Variants in FOCAD observed in about 807,000 individuals in gnomAD.
FOCAD encodes the protein focadhesin, also known as KIAA1797.
A neutral mutation model predicts 225.6 loss-of-function variants in FOCAD; 198 were observed. That is an observed-to-expected ratio of 0.88 (90% confidence interval 0.78 to 0.99). The LOEUF (loss-of-function observed/expected upper bound fraction) is 0.99. Ranked by LOEUF, FOCAD falls within the 50% of genes least tolerant of loss-of-function variation. The pLI is 0.00. For missense variants in FOCAD, 2,713 were observed against 2,123.6 expected, an observed-to-expected ratio of 1.28 and a Z score of -5.46; for synonymous variants, 897 against 755.0, an observed-to-expected ratio of 1.19 and a Z score of -3.08.
At chr9:20,699,494 C>G (rs1428763293) in intron 1 of FOCAD, among the ~76,000 whole-genome samples, 2 of 151,542 alleles carry the variant, frequency 1.3e-5, no homozygotes, top group Non-Finnish European at 2.9e-5. Context: ...GTAATCCCAG[C>G]ACTTTGGGAG....
intron 15 of FOCAD, among the ~76,000 whole-genome samples, chr9:20,856,763 T>C (rs750025762): frequency 6.6e-6 from 1 of 152,102 alleles, no homozygotes; most frequent in African/African-American, 2.4e-5. Context: ...GATTTGATTT[T>C]TATGTATGGT....
rs755387815 is a variant in FOCAD, at chr9:20,929,570, C to G, written c.3291C>G (p.Leu1097=). 4.3e-6 allele frequency: 7 copies of G among 1,613,920 alleles called. No individual in the cohort carries two copies. The highest frequency in any genetic ancestry group is 2.2e-5 in the East Asian group (1 of 44,896). The change falls in exon 27 of 44, where the codon CTC becomes CTG. Residue 1097 remains leucine (L), a synonymous_variant. Coordinates refer to ENST00000338382, the MANE Select transcript of FOCAD (RefSeq NM_001375567.1). ...TGGGCCTTGCTTTAGGGATGTTTCTCTCTCGCTTGTGTGAAGAGAAACTCA... is the reference window on the plus strand; with the variant it reads ...TGGGCCTTGCTTTAGGGATGTTTCTGTCTCGCTTGTGTGAAGAGAAACTCA... ...IHMGLALGMF[L]SRLCEEKLSD...
At chr9:20,790,728 G>C (rs181391591) in intron 11 of FOCAD, among the ~76,000 whole-genome samples, 1 of 152,074 alleles carries the variant, frequency 6.6e-6, no homozygotes, top group Non-Finnish European at 1.5e-5. Flanking sequence ...CCGAGATTGC[G>C]CCACTGCACT....
intron 10 of FOCAD, chr9:20,786,905 C>A: frequency 3.0e-6 from 1 of 337,732 alleles, no homozygotes; most frequent in Non-Finnish European, 5.9e-6. Context: ...ACACCTACTT[C>A]CTCCTCTAAA....
intron 14 of FOCAD, 103 bp downstream of exon 14, chr9:20,821,174 A>G (rs900587384): frequency 7.9e-6 from 8 of 1,007,452 alleles, no homozygotes; most frequent in African/African-American, 3.3e-5. Context: ...CAGAGGATAT[A>G]TAAGTACTAA....
rs529086080 is a variant in FOCAD, at chr9:20,806,446, G to A, written c.1456-13350G>A. 1.1e-4 allele frequency among the ~76,000 whole-genome samples: 17 copies of A among 152,056 alleles called. No individual in the cohort carries two copies. In the East Asian group the frequency reaches 1.9e-3, roughly 17 times the overall value. ...GAACTAATTTTGTAGGCGGCTTGTC[G>A]AAAATTCCTCCCTTCCCCCTCAAAA... On this transcript the variant is annotated intron_variant, in intron 11 of 43. Coordinates refer to ENST00000338382, the MANE Select transcript of FOCAD (RefSeq NM_001375567.1).
chr9:20,729,027 T>C (rs893615228), intron 4 of FOCAD, among the ~76,000 whole-genome samples: 5 of 152,188 alleles, frequency 3.3e-5, no homozygotes, highest in African/African-American at 1.2e-4. Context: ...CAGACTGAGA[T>C]TGGAATTTCC....
chr9:20,782,645 T>C lies in FOCAD; in HGVS notation c.1197+716T>C, dbSNP rs145845324. ...GCCTTTATCAAAATGAAACATTATT[T>C]CCCAGCTCCTCTTATGGGGATGAAA... On this transcript the variant is annotated intron_variant, in intron 10 of 43. Transcript: ENST00000338382. Among the ~76,000 whole-genome samples, 4 of 152,354 alleles carry C rather than the reference T, an allele frequency of 2.6e-5. No individual in the cohort carries two copies. The East Asian group carries it at 7.7e-4, about 29-fold the overall frequency.
intron 4 of FOCAD, among the ~76,000 whole-genome samples, chr9:20,731,226 A>G (rs532443117): frequency 1.4e-4 from 21 of 149,634 alleles, no homozygotes; most frequent in African/African-American, 5.2e-4. Flanking sequence ...TGACACAGCG[A>G]GACTTTGTCT....
rs1368653882 is a variant in FOCAD, at chr9:20,871,843, G to A, written c.2191-2838G>A. Among the ~76,000 whole-genome samples the A allele has an allele frequency of 4.7e-5, 7 of 148,926 alleles. No individual in the cohort carries two copies. The East Asian group carries it at 9.9e-4, about 21-fold the overall frequency. ...TTAATGGGTGCAGCACACCAGCATGGCACATGTATACATATGTAACTAACC... is the reference window on the plus strand; with the variant it reads ...TTAATGGGTGCAGCACACCAGCATGACACATGTATACATATGTAACTAACC... On this transcript the variant is annotated intron_variant, in intron 18 of 43. Transcript: ENST00000338382.
intron 21 of FOCAD, among the ~76,000 whole-genome samples, chr9:20,892,009 T>C (rs1831657429): frequency 6.6e-6 from 1 of 152,192 alleles, no homozygotes; most frequent in South Asian, 2.1e-4. Flanking sequence ...CTCTAAAGAA[T>C]TACGCTGAAT....
intron 1 of FOCAD, chr9:20,694,417 G>A (rs891058000): frequency 9.2e-5 from 14 of 152,160 alleles, no homozygotes; most frequent in African/African-American, 3.1e-4. Flanking sequence ...TATAAGGAGT[G>A]TAATATTGAA....
At chr9:20,777,073 T>A (rs1818831514) in intron 8 of FOCAD, among the ~76,000 whole-genome samples, 2 of 152,168 alleles carry the variant, frequency 1.3e-5, no homozygotes, top group Non-Finnish European at 2.9e-5. Flanking sequence ...ATTCACGAAT[T>A]TTTTTCTTTT....
chr9:20,812,907 T>G lies in FOCAD; in HGVS notation c.1456-6889T>G, dbSNP rs542289468. Among the ~76,000 whole-genome samples, 48 of 152,238 alleles carry G rather than the reference T, an allele frequency of 3.2e-4. No homozygotes were observed. In the South Asian group the frequency reaches 3.5e-3, roughly 11 times the overall value. ...TAACATGAAATCTACCTTAAAAAATTCTAATTGTACTGTACAGTATTGTTA... is the reference window on the plus strand; with the variant it reads ...TAACATGAAATCTACCTTAAAAAATGCTAATTGTACTGTACAGTATTGTTA... On this transcript the variant is annotated intron_variant, in intron 11 of 43. Coordinates refer to ENST00000338382, the MANE Select transcript of FOCAD (RefSeq NM_001375567.1).
chr9:20,930,410 G>A (rs1399327181), intron 27 of FOCAD, among the ~76,000 whole-genome samples: 1 of 152,114 alleles, frequency 6.6e-6, no homozygotes, highest in Admixed American at 6.5e-5. Flanking sequence ...TCAATGACTA[G>A]GCATTTAGCC....
At chr9:20,993,181 C>G (rs1433910708) in intron 42 of FOCAD, 72 bp from the exon 43 acceptor site, 1 of 1,280,310 alleles carries the variant, frequency 7.8e-7, no homozygotes. Context: ...ATATATAGGT[C>G]CAAGGGAATA....
chr9:20,752,619 T>G (rs1330792496), intron 5 of FOCAD, among the ~76,000 whole-genome samples: 1 of 152,054 alleles, frequency 6.6e-6, no homozygotes, highest in Non-Finnish European at 1.5e-5. Flanking sequence ...TTCTTTTGGC[T>G]TAGGATTGAC....
At chr9:20,780,429 C>G (rs1352764893) in intron 9 of FOCAD, among the ~76,000 whole-genome samples, 1 of 152,120 alleles carries the variant, frequency 6.6e-6, no homozygotes, top group Non-Finnish European at 1.5e-5. Context: ...TTTATTATTT[C>G]CTGGTTAGCA....
At chr9:20,679,492 T>A (rs1488403894), upstream of FOCAD, among the ~76,000 whole-genome samples, 1 of 152,142 alleles carries the variant, frequency 6.6e-6, no homozygotes, top group Non-Finnish European at 1.5e-5. Context: ...CAGTACAGGA[T>A]TCAGACTACA....
Sources: gnomAD v4.1 joint callset for allele counts (sites outside exome capture counted in the v4.1 genomes callset) on GRCh38, gnomAD v4.1.1 for gene constraint, MANE v1.5 for transcripts, NCBI Gene and HGNC (gene_info 2026-07-23, HGNC 2026-07-21) for gene names.